GLUD1: variants seen among roughly 807,000 people sequenced by gnomAD.
The protein encoded by GLUD1 is glutamate dehydrogenase 1.
In GLUD1, 22 loss-of-function variants were observed where a neutral mutation model predicts 56.0. The ratio of observed to expected loss-of-function variants is 0.39; its 90% CI spans 0.28 to 0.56. The LOEUF (loss-of-function observed/expected upper bound fraction) is 0.56. GLUD1 is among the 20% of genes least tolerant of loss of function. GLUD1 has a pLI of 0.58. For missense variants in GLUD1, 451 were observed against 732.0 expected (o/e 0.62, Z 4.43); for synonymous variants, 223 against 269.9 (o/e 0.83, Z 1.70).
At position 87,061,251 on chromosome 10, in the gene GLUD1, G is replaced by A. The variant is rs760719579; in HGVS notation, c.922-199C>T. 3.0e-5 allele frequency: 21 copies of A among 693,178 alleles called. No individual in the cohort carries two copies. The East Asian group carries it at 5.6e-4, about 19-fold the overall frequency. 42.9% of individuals were successfully genotyped at this position (693,178 alleles called of 1,614,324 possible). A position where few individuals can be genotyped will look rare whatever the true frequency, so the allele number is the denominator to read the frequency against. ...TTTAAGAATGTGATGAGCGGGCATG[G>A]TGGCTCACGCTTGTAATTCCAGCAC... is the stretch of plus-strand genomic sequence containing the variant. On this transcript the variant is annotated intron_variant, in intron 6 of 12. Transcript: ENST00000277865.
At chr10:87,086,594 C>A (rs1407858139) in intron 1 of GLUD1, among the ~76,000 whole-genome samples, 1 of 151,252 alleles carries the variant, frequency 6.6e-6, no homozygotes, top group East Asian at 1.9e-4. Context: ...GAGGCCGAGG[C>A]GGGCGGATCA....
rs751491659 is a variant in GLUD1, at chr10:87,062,850, A to G, written c.742-15T>C. 21 of 1,610,772 alleles carry G rather than the reference A, an allele frequency of 1.3e-5. 2 individuals carry two copies. In the South Asian group the frequency reaches 2.2e-4, roughly 17 times the overall value. The stretch of plus-strand genomic sequence containing the variant: ...GCATTAATATCCTGTAAGAGGGGGT[A>G]ATTGAAAGAATGAAATGTCAAGTCC... On this transcript the variant is annotated splice_polypyrimidine_tract_variant and intron_variant, in intron 5 of 12. Transcript: ENST00000277865.
At chr10:87,062,333 C>T (rs1027997376) in intron 6 of GLUD1, among the ~76,000 whole-genome samples, 2 of 152,172 alleles carry the variant, frequency 1.3e-5, no homozygotes, top group Admixed American at 6.5e-5. Context: ...ACTTACAAAA[C>T]TTAGAAAATT....
intron 4 of GLUD1, among the ~76,000 whole-genome samples, chr10:87,073,916 C>T (rs112416063): frequency 0.062 from 9,434 of 151,922 alleles, 606 homozygotes; most frequent in African/African-American, 0.17. Flanking sequence ...CCACCACGCT[C>T]GGCAGTAAGT....
rs767548018 is a variant in GLUD1, at chr10:87,051,911, C to T, written c.1558-41G>A. Reference sequence around the variant, plus strand: ...AAATGCAGTGAAGATGATCCTGACTCAAGTGGCCAGGCCATAAACACACAA... The same window carrying T: ...AAATGCAGTGAAGATGATCCTGACTTAAGTGGCCAGGCCATAAACACACAA... On this transcript the variant is annotated intron_variant, in intron 12 of 12. Transcript: ENST00000277865. The T allele has an allele frequency of 1.9e-6, 3 of 1,612,818 alleles. No homozygotes were observed. The East Asian group carries it at 6.7e-5, about 36-fold the overall frequency.
intron 1 of GLUD1, among the ~76,000 whole-genome samples, chr10:87,093,099 C>A (rs1293524917): frequency 3.3e-5 from 5 of 152,194 alleles, no homozygotes; most frequent in African/African-American, 9.7e-5. Flanking sequence ...TTTAGTAAAT[C>A]TTTAAAAACA....
At chr10:87,070,574 G>A (rs753818028) in intron 4 of GLUD1, among the ~76,000 whole-genome samples, 1 of 152,102 alleles carries the variant, frequency 6.6e-6, no homozygotes, top group Non-Finnish European at 1.5e-5. Flanking sequence ...GCTCCAGCCT[G>A]GTGACAGAGC....
At chr10:87,077,124 C>T (rs1846419630) in intron 1 of GLUD1, among the ~76,000 whole-genome samples, 5 of 152,128 alleles carry the variant, frequency 3.3e-5, no homozygotes, top group Non-Finnish European at 5.9e-5. Context: ...AATCCTCCCA[C>T]CTCAGCCTCC....
At chr10:87,062,595 T>C (rs973271279) in intron 6 of GLUD1, 61 bp downstream of exon 6, 26 of 1,195,394 alleles carry the variant, frequency 2.2e-5, no homozygotes, top group Admixed American at 3.8e-5. Context: ...TCTAAAAACA[T>C]TGAAAACTTT....
intron 4 of GLUD1, among the ~76,000 whole-genome samples, chr10:87,072,506 T>G (rs1168486882): frequency 6.6e-6 from 1 of 151,918 alleles, no homozygotes; most frequent in Non-Finnish European, 1.5e-5. Context: ...TGCCGAGGAG[T>G]GAGAGAAAAA....
intron 1 of GLUD1, among the ~76,000 whole-genome samples, chr10:87,091,022 T>C (rs1461889210): frequency 6.6e-6 from 1 of 152,222 alleles, no homozygotes; most frequent in East Asian, 1.9e-4. Context: ...AAGATTCCAC[T>C]GTTTCCTTCT....
At chr10:87,060,275 A>C (rs1448319443) in intron 8 of GLUD1, 34 bp from the exon 9 acceptor site, 1 of 1,396,694 alleles carries the variant, frequency 7.2e-7, no homozygotes, top group East Asian at 2.3e-5. Context: ...AGAAATGCGA[A>C]CACCACCGTC....
chr10:87,068,198 G>T, intron 4 of GLUD1, 41 bp from the exon 5 acceptor site: 1 of 1,242,768 alleles, frequency 8.0e-7, no homozygotes, highest in Non-Finnish European at 1.2e-6. Context: ...CAGTTTTTAA[G>T]AAAAATTCTT....
chr10:87,068,069 C>A lies in GLUD1; in HGVS notation c.735G>T (p.Gly245=). ...GCTTCCAGTGGGTACTCACATAGTG[C>A]CCTATGGTGCTGGCATAGGTATCAG... ...WIADTYASTI[G]HYDINAHACV... is the part of the protein sequence containing the mutation. The change falls in exon 5 of 13, where the codon GGG becomes GGT. Residue 245 remains glycine (G), a synonymous_variant. Transcript: ENST00000277865. 1 of 1,588,078 alleles carries A rather than the reference C, an allele frequency of 6.3e-7. No individual in the cohort carries two copies.
At chr10:87,088,631 A>G (rs1305458698) in intron 1 of GLUD1, among the ~76,000 whole-genome samples, 1 of 152,226 alleles carries the variant, frequency 6.6e-6, no homozygotes, top group Non-Finnish European at 1.5e-5. Context: ...TGATAATGAC[A>G]AACGATAAAA....
intron 9 of GLUD1, among the ~76,000 whole-genome samples, chr10:87,059,909 C>T (rs1845883197): frequency 6.6e-6 from 1 of 152,166 alleles, no homozygotes; most frequent in Non-Finnish European, 1.5e-5. Flanking sequence ...ACACAGTACA[C>T]ATTTATATAA....
chr10:87,061,304 T>C lies in GLUD1; in HGVS notation c.922-252A>G. On this transcript the variant is annotated intron_variant, in intron 6 of 12. Coordinates refer to ENST00000277865, the MANE Select transcript of GLUD1 (RefSeq NM_005271.5). ...TGGGAGGCTGAGGCAGGTGGATCAC[T>C]TGAGGTCAGGAGTTCGAGATCAGCC... The C allele has an allele frequency of 1.7e-6, 1 of 600,748 alleles. No individual in the cohort carries two copies. The allele number at this position is 600,748 out of a possible 1,614,324, so 37.2% of individuals were successfully genotyped here.
At position 87,051,163 on chromosome 10, in the gene GLUD1, G is replaced by T. The variant is rs1366321769; in HGVS notation, c.*588C>A. On this transcript the variant is annotated 3_prime_UTR_variant, in exon 13 of 13. Coordinates refer to ENST00000277865, the MANE Select transcript of GLUD1 (RefSeq NM_005271.5). ...TTTGAGTCAAGGTTAGGCTTGTTAA[G>T]TGATTAAAGGCAATTTTATTACAGC... is the stretch of plus-strand genomic sequence containing the variant. The T allele has an allele frequency of 5.8e-6, 1 of 171,868 alleles. No individual in the cohort carries two copies. Among genetic ancestry groups the T allele is most frequent in the Non-Finnish European group, 1.4e-5 (1 of 70,940 alleles). 10.6% of individuals were successfully genotyped at this position (171,868 alleles called of 1,614,324 possible).
intron 3 of GLUD1, among the ~76,000 whole-genome samples, 199 bp from the exon 4 acceptor site, chr10:87,074,813 T>C (rs1270413898): frequency 2.6e-5 from 4 of 152,162 alleles, no homozygotes; most frequent in Admixed American, 6.5e-5. Context: ...AAAAACAAGA[T>C]AGTAGAACTA....
Sources: allele counts gnomAD v4.1 joint callset (sites outside exome capture counted in the v4.1 genomes callset), GRCh38; gene constraint gnomAD v4.1.1; transcripts MANE v1.5; gene names NCBI Gene and HGNC (gene_info 2026-07-23, HGNC 2026-07-21).